CFAP46: variants seen among roughly 807,000 people sequenced by gnomAD.
The protein encoded by CFAP46 is cilia- and flagella-associated protein 46.
In CFAP46, 245 loss-of-function variants were observed where a neutral mutation model predicts 325.7. That is an observed-to-expected ratio of 0.75 (90% CI 0.68 to 0.84). The LOEUF (loss-of-function observed/expected upper bound fraction) is 0.84, where lower values mean the gene tolerates loss of function less well. Among genes scored for constraint, CFAP46 ranks in the 40% least tolerant of loss-of-function variants. The pLI, the probability that CFAP46 is intolerant of heterozygous loss-of-function variation, is 0.00. For synonymous variants in CFAP46, 1,523 were observed against 1,495.9 expected, an observed-to-expected ratio of 1.02 and a Z score of -0.42; for missense variants, 3,346 against 3,543.0, an observed-to-expected ratio of 0.94 and a Z score of 1.41.
chr10:132,885,161 T>G lies in CFAP46; in HGVS notation c.3569A>C (p.Asn1190Thr). 1 of 1,550,182 alleles carries G rather than the reference T, an allele frequency of 6.5e-7. No individual in the cohort carries two copies. The highest frequency in any genetic ancestry group is 8.7e-7 in the Non-Finnish European group (1 of 1,146,900). The change falls in exon 27 of 58, where the codon AAC becomes ACC. Residue 1190 changes from asparagine (N) to threonine (T), a missense_variant. Transcript: ENST00000368586. The part of the protein sequence containing the change: ...LARMWHRLAL[N>T]SPSVSGELAC... ...CAGCTCTCCAGACACGCTCGGCGAG[T>G]TCAGGGCCAGGCGGTGCCACATGCG...
In CFAP46 at chr10:132,920,390, G is replaced by A. The variant is rs12780036; in HGVS notation, c.1607-208C>T. On this transcript the variant is annotated intron_variant, in intron 13 of 57. Coordinates refer to ENST00000368586, the MANE Select transcript of CFAP46 (RefSeq NM_001200049.3). Reference sequence around the variant, plus strand: ...TGTGTCTCCTGCCGGCGATGAGGCCGAGCCAGTGCTCCTCTGAGTGGGGGA... The same window carrying A: ...TGTGTCTCCTGCCGGCGATGAGGCCAAGCCAGTGCTCCTCTGAGTGGGGGA... 8.2e-3 allele frequency among the ~76,000 whole-genome samples: 1,243 copies of A among 152,282 alleles called. 7 individuals carry two copies. Among genetic ancestry groups the A allele is most frequent in the Non-Finnish European group, 0.012 (809 of 68,012 alleles).
chr10:132,869,368 C>G lies in CFAP46; in HGVS notation c.4516G>C (p.Ala1506Pro). The G allele has an allele frequency of 6.5e-7, 1 of 1,528,818 alleles. No individual in the cohort carries two copies. The highest frequency in any genetic ancestry group is 8.8e-7 in the Non-Finnish European group (1 of 1,139,756). The allele number at this position is 1,528,818 out of a possible 1,614,324, so 94.7% of individuals were successfully genotyped here. The change falls in exon 33 of 58, where the codon GCC (alanine) becomes CCC (proline). Residue 1506 changes from alanine (A) to proline (P), a missense_variant. Transcript: ENST00000368586. This position sits in a 1 kb window ranked among gnomAD's most constrained non-coding sequence, Gnocchi z 6.2. ...GLSDLYHLRLAHACSELKLRE... is the reference protein window; with the variant it reads ...GLSDLYHLRLPHACSELKLRE... ...AGCTTCAGCTCGGAGCACGCGTGGG[C>G]GAGGCTGTGGGGAGTGTGGCCGAAA... is the stretch of plus-strand genomic sequence containing the variant.
intron 35 of CFAP46, among the ~76,000 whole-genome samples, chr10:132,864,241 C>T (rs1466242954): frequency 7.5e-6 from 1 of 133,098 alleles, no homozygotes; most frequent in East Asian, 2.4e-4. Flanking sequence ...CTGACACCTG[C>T]ACACACCCGT....
At chr10:132,896,823 A>C (rs1849327396) in intron 24 of CFAP46, among the ~76,000 whole-genome samples, 1 of 152,244 alleles carries the variant, frequency 6.6e-6, no homozygotes, top group Non-Finnish European at 1.5e-5. Context: ...ATCTTGAAAA[A>C]GAACAAAGTT....
intron 19 of CFAP46, among the ~76,000 whole-genome samples, chr10:132,912,298 CCTCT>C (rs200113529): frequency 3.4e-4 from 15 of 44,366 alleles, no homozygotes; most frequent in East Asian, 3.7e-4. Flanking sequence ...CTCTCTCTCT[CCTCT>C]CTTTCTCCTG....
At chr10:132,937,978 C>A (rs544500669) in intron 5 of CFAP46, among the ~76,000 whole-genome samples, 1 of 152,202 alleles carries the variant, frequency 6.6e-6, no homozygotes, top group African/African-American at 2.4e-5. Flanking sequence ...GGCTTGGTGC[C>A]GAGGGGAGCT....
intron 50 of CFAP46, among the ~76,000 whole-genome samples, chr10:132,823,036 G>A (rs111068456): frequency 0.36 from 45,303 of 126,806 alleles, 8,297 homozygotes; most frequent in Admixed American, 0.52. Context: ...CTGTGTGTGC[G>A]CTGATGTGTG....
intron 22 of CFAP46, among the ~76,000 whole-genome samples, chr10:132,905,587 T>C (rs574089473): frequency 6.6e-6 from 1 of 152,276 alleles, no homozygotes; most frequent in Non-Finnish European, 1.5e-5. Flanking sequence ...GATATGTGAC[T>C]GATGGTTTGG....
At chr10:132,811,942 C>T (rs892076730) in intron 55 of CFAP46, among the ~76,000 whole-genome samples, 35 of 152,368 alleles carry the variant, frequency 2.3e-4, no homozygotes, top group African/African-American at 8.2e-4. Context: ...ACAGCAACTC[C>T]CGAGTCCCTA....
rs761627469 is a variant in CFAP46 at position 132,929,735 on chromosome 10, G to GCC, written c.935_936insGG (p.Cys312TrpfsTer6). 1 of 1,613,846 alleles carries GCC rather than the reference G, an allele frequency of 6.2e-7. No individual in the cohort carries two copies. The highest frequency in any genetic ancestry group is 8.5e-7 in the Non-Finnish European group (1 of 1,179,930). ...TTTCCATCTTCTTCAGGTCTGAGAG[G>GCC]CAGGCAGAGGAGATCTCCATGCATT... On this transcript the variant is annotated frameshift_variant, in exon 9 of 58. Coordinates refer to ENST00000368586, the MANE Select transcript of CFAP46 (RefSeq NM_001200049.3). LOFTEE classifies it high-confidence loss of function.
intron 17 of CFAP46, among the ~76,000 whole-genome samples, chr10:132,915,347 G>C (rs1849620513): frequency 6.6e-6 from 1 of 152,250 alleles, no homozygotes; most frequent in South Asian, 2.1e-4. Flanking sequence ...GGGTGGGCCT[G>C]GGCCCGGTGG....
intron 46 of CFAP46, 39 bp downstream of exon 46, chr10:132,836,103 G>A (rs1848241205): frequency 6.8e-7 from 1 of 1,474,084 alleles, no homozygotes; most frequent in Non-Finnish European, 9.1e-7. Context: ...TGCTCCGCCT[G>A]CCCTGCTCCC....
chr10:132,926,674 T>G lies in CFAP46; in HGVS notation c.967-8A>C. 6.5e-7 allele frequency: 1 copy of G among 1,531,144 alleles called. No homozygotes were observed. The allele number at this position is 1,531,144 out of a possible 1,614,324, so 94.8% of individuals were successfully genotyped here. A position where few individuals can be genotyped will look rare whatever the true frequency, so the allele number is the denominator to read the frequency against. On this transcript the variant is annotated splice_region_variant and splice_polypyrimidine_tract_variant and intron_variant, in intron 9 of 57. Transcript: ENST00000368586. ...AATAAGCTTCCCAGGATCCTGCAGA[T>G]ATAAACAGTTTTTGAAAAGATGGAG...
At chr10:132,904,811 G>C (rs901420806) in intron 22 of CFAP46, among the ~76,000 whole-genome samples, 1 of 152,150 alleles carries the variant, frequency 6.6e-6, no homozygotes, top group Non-Finnish European at 1.5e-5. Context: ...ACCCAGGCTG[G>C]AGCGCAGTGG....
chr10:132,833,612 C>G, intron 49 of CFAP46, 87 bp from the exon 50 acceptor site: 1 of 1,440,596 alleles, frequency 6.9e-7, no homozygotes, highest in Non-Finnish European at 9.5e-7. Flanking sequence ...GACTTGGCTG[C>G]TGGGCGCTGG....
chr10:132,918,623 C>T (rs1849673921), intron 15 of CFAP46, 103 bp from the exon 16 acceptor site: 16 of 1,402,220 alleles, frequency 1.1e-5, no homozygotes, highest in Non-Finnish European at 1.5e-5. Context: ...CTCTCCCCAG[C>T]TCCGTGTAGG....
intron 50 of CFAP46, among the ~76,000 whole-genome samples, chr10:132,823,824 C>CGG (rs2134901290): frequency 7.9e-6 from 1 of 126,844 alleles, no homozygotes; most frequent in East Asian, 2.6e-4. Flanking sequence ...TGTGTGAGTG[C>CGG]TGATGTGTGC....
chr10:132,909,598 A>G (rs566567498), intron 20 of CFAP46, among the ~76,000 whole-genome samples: 258 of 152,214 alleles, frequency 1.7e-3, no homozygotes, highest in African/African-American at 5.9e-3. Flanking sequence ...GCTCCTGGCC[A>G]GGCTCCAAGG....
At chr10:132,912,609 CT>C (rs1849569251) in intron 19 of CFAP46, 45 bp downstream of exon 19, 15 of 364,510 alleles carry the variant, frequency 4.1e-5, no homozygotes, top group South Asian at 1.2e-4. Context: ...TCTCTCCTCT[CT>C]CTCTCTCTCT....
Sources: gnomAD v4.1 joint callset for allele counts (sites outside exome capture counted in the v4.1 genomes callset) on GRCh38, gnomAD v4.1.1 for gene constraint, Gnocchi (gnomAD v3.1) non-coding constraint, MANE v1.5 for transcripts, NCBI Gene and HGNC (gene_info 2026-07-23, HGNC 2026-07-21) for gene names.